Variants in AGK observed in about 807,000 individuals in gnomAD.
The protein encoded by AGK is acylglycerol kinase.
Under a neutral mutation model 66.4 loss-of-function variants are expected in AGK, and 52 were observed. The observed-to-expected ratio is 0.78, with a 90% CI of 0.63 to 0.99. The LOEUF is 0.99. Ranked by LOEUF, AGK falls within the 50% of genes least tolerant of loss-of-function variation. AGK has a pLI of 0.00. For missense variants in AGK, 451 were observed against 506.6 expected, an observed-to-expected ratio of 0.89 and a Z score of 1.05; for synonymous variants, 182 against 181.1, an observed-to-expected ratio of 1.00 and a Z score of -0.04.
At chr7:141,601,931 A>C (rs1022634556) in intron 5 of AGK, among the ~76,000 whole-genome samples, 4 of 152,188 alleles carry the variant, frequency 2.6e-5, no homozygotes, top group Non-Finnish European at 5.9e-5. Context: ...AGGATCATTT[A>C]GTCTAGTTTA....
At chr7:141,551,913 C>A (rs1795097621) in intron 1 of AGK, among the ~76,000 whole-genome samples, 1 of 152,166 alleles carries the variant, frequency 6.6e-6, no homozygotes, top group Non-Finnish European at 1.5e-5. Flanking sequence ...AAAAACATTT[C>A]CACCTGGATA....
In AGK at chr7:141,555,673, T is replaced by A; in HGVS notation, c.101+106T>A. On this transcript the variant is annotated intron_variant, in intron 2 of 15. Transcript: ENST00000649286. The surrounding 1 kb of genome is among the most constrained non-coding windows in gnomAD (Gnocchi z 4.2). ...GCTGTGCTTATCCCTATAAAACATG[T>A]GGTGTAAAAGAAAAATAAATGCTAT... 1.3e-6 allele frequency: 1 copy of A among 756,144 alleles called. No individual in the cohort carries two copies. The highest frequency in any genetic ancestry group is 2.1e-6 in the Non-Finnish European group (1 of 470,740). The allele number at this position is 756,144 out of a possible 1,614,324, so 46.8% of individuals were successfully genotyped here. A position where few individuals can be genotyped will look rare whatever the true frequency, so the allele number is the denominator to read the frequency against.
At chr7:141,635,441 A>C (rs1000084200) in intron 10 of AGK, among the ~76,000 whole-genome samples, 28 of 152,316 alleles carry the variant, frequency 1.8e-4, no homozygotes, top group African/African-American at 6.7e-4. Flanking sequence ...CTAGGGAAAG[A>C]AGCAAACTAT....
chr7:141,629,269 A>G (rs1406756235), intron 9 of AGK, among the ~76,000 whole-genome samples: 2 of 151,338 alleles, frequency 1.3e-5, no homozygotes, highest in African/African-American at 4.9e-5. Flanking sequence ...TCGCTCCATT[A>G]TTTTCTTCCA....
Position 141,601,318 on chromosome 7 carries a change from G to C in AGK, c.297+38G>C, listed in dbSNP as rs1434149038. On this transcript the variant is annotated intron_variant, in intron 5 of 15. Coordinates refer to ENST00000649286, the MANE Select transcript of AGK (RefSeq NM_018238.4). ...CCTGAATGTTTATTTCACCCAAGCA[G>C]CTGCCTCTTATAACAACCTCTTCTC... 3 of 1,530,686 alleles carry C rather than the reference G, an allele frequency of 2.0e-6. No homozygotes were observed. In the East Asian group the frequency reaches 6.8e-5, roughly 35 times the overall value. The allele number at this position is 1,530,686 out of a possible 1,614,324, so 94.8% of individuals were successfully genotyped here. A position where few individuals can be genotyped will look rare whatever the true frequency, so the allele number is the denominator to read the frequency against.
At chr7:141,636,907 CAT>C (rs984647780) in intron 10 of AGK, 51 bp from the exon 11 acceptor site, 39 of 1,425,002 alleles carry the variant, frequency 2.7e-5, no homozygotes, top group African/African-American at 2.3e-4. Context: ...GTATCTATCA[CAT>C]GATAGTTCTT....
At chr7:141,607,813 A>ATT (rs1031782309) in intron 5 of AGK, among the ~76,000 whole-genome samples, 45 of 151,504 alleles carry the variant, frequency 3.0e-4, no homozygotes, top group African/African-American at 1.1e-3. Context: ...TAGTGTCTAG[A>ATT]TTTTTTTTCT....
chr7:141,642,200 A>T (rs1183636400), intron 13 of AGK, among the ~76,000 whole-genome samples: 1 of 152,204 alleles, frequency 6.6e-6, no homozygotes, highest in Non-Finnish European at 1.5e-5. Flanking sequence ...AAAATTAGCT[A>T]TTCCCATTTG....
At chr7:141,621,097 C>T (rs904137608) in intron 8 of AGK, among the ~76,000 whole-genome samples, 2 of 152,208 alleles carry the variant, frequency 1.3e-5, no homozygotes, top group African/African-American at 4.8e-5. Context: ...CGAACCTAAT[C>T]ATTGCTTCCC....
chr7:141,620,536 C>G (rs1312985629), intron 8 of AGK, among the ~76,000 whole-genome samples: 1 of 152,016 alleles, frequency 6.6e-6, no homozygotes, highest in African/African-American at 2.4e-5. Context: ...CAGGGGAATA[C>G]AGGGGATTTT....
At chr7:141,581,534 G>T (rs1243352136) in intron 2 of AGK, among the ~76,000 whole-genome samples, 1 of 151,900 alleles carries the variant, frequency 6.6e-6, no homozygotes, top group Non-Finnish European at 1.5e-5. Flanking sequence ...AGTAATAACA[G>T]GCTTTAATCC....
chr7:141,600,812 AT>A (rs1796324511), intron 4 of AGK, among the ~76,000 whole-genome samples: 1 of 152,078 alleles, frequency 6.6e-6, no homozygotes, highest in South Asian at 2.1e-4. Context: ...CTGCTTTGTT[AT>A]GTTGTATTCC....
In AGK at chr7:141,597,890, C is replaced by CAA. The variant is rs56295907; in HGVS notation, c.221+1277_221+1278dup. Among the ~76,000 whole-genome samples, 124 of 71,404 alleles carry CAA rather than the reference C, an allele frequency of 1.7e-3. 4 individuals are homozygous for CAA. The highest frequency in any genetic ancestry group is 2.9e-3 in the East Asian group (9 of 3,054). The allele number at this position is 71,404 out of a possible 152,430, so 46.8% of individuals were successfully genotyped here. ...TGGGCAATAGAGTGAGACTCTGTCT[C>CAA]AAAAAAAAAAAAAAAAAAAAAAAAA... On this transcript the variant is annotated intron_variant, in intron 4 of 15. Coordinates refer to ENST00000649286, the MANE Select transcript of AGK (RefSeq NM_018238.4).
chr7:141,621,098 A>G (rs1316788257), intron 8 of AGK, among the ~76,000 whole-genome samples: 1 of 152,142 alleles, frequency 6.6e-6, no homozygotes, highest in Non-Finnish European at 1.5e-5. Flanking sequence ...GAACCTAATC[A>G]TTGCTTCCCC....
intron 1 of AGK, among the ~76,000 whole-genome samples, chr7:141,554,337 C>CA (rs1795162491): frequency 7.6e-6 from 1 of 131,116 alleles, no homozygotes; most frequent in African/African-American, 3.1e-5. Flanking sequence ...GAGACCCTGT[C>CA]TAAAAAAAAA....
At chr7:141,622,735 C>T (rs554230818) in intron 9 of AGK, among the ~76,000 whole-genome samples, 5 of 152,206 alleles carry the variant, frequency 3.3e-5, no homozygotes, top group South Asian at 4.1e-4. Context: ...ATAAAGAAGA[C>T]GCATCTGTCT....
At chr7:141,645,621 A>T (rs1797394069) in intron 13 of AGK, among the ~76,000 whole-genome samples, 1 of 152,304 alleles carries the variant, frequency 6.6e-6, no homozygotes, top group East Asian at 1.9e-4. Context: ...TTTCTGATTT[A>T]GAGAGAAAGT....
At chr7:141,636,195 C>T (rs1797164597) in intron 10 of AGK, among the ~76,000 whole-genome samples, 2 of 152,270 alleles carry the variant, frequency 1.3e-5, no homozygotes, top group Middle Eastern at 6.8e-3. Context: ...TGCTGGTTTA[C>T]ACATTTTTAA....
chr7:141,562,107 A>T (rs1199341791), intron 2 of AGK: 1 of 455,636 alleles, frequency 2.2e-6, no homozygotes, highest in Non-Finnish European at 4.4e-6. Flanking sequence ...TTGGCTATAG[A>T]TAGGTTTAGT....
Sources: allele counts gnomAD v4.1 joint callset (sites outside exome capture counted in the v4.1 genomes callset), GRCh38; gene constraint gnomAD v4.1.1; non-coding constraint Gnocchi (gnomAD v3.1); transcripts MANE v1.5; gene names NCBI Gene and HGNC (gene_info 2026-07-23, HGNC 2026-07-21).